GABRR2: variants seen among roughly 807,000 people sequenced by gnomAD.
GABRR2 encodes gamma-aminobutyric acid receptor subunit rho-2.
Under a neutral mutation model 47.0 loss-of-function variants are expected in GABRR2, and 36 were observed. The ratio of observed to expected loss-of-function variants is 0.77; its 90% CI spans 0.59 to 1.01. The LOEUF is 1.01. Among genes scored for constraint, GABRR2 ranks in the 50% least tolerant of loss-of-function variants. GABRR2 has a pLI of 0.00. For synonymous variants in GABRR2, 204 were observed against 227.5 expected (o/e 0.90, Z 0.93); for missense variants, 587 against 594.6 (o/e 0.99, Z 0.13).
At chr6:89,287,233 A>C (rs1774348567) in intron 2 of GABRR2, among the ~76,000 whole-genome samples, 1 of 152,238 alleles carries the variant, frequency 6.6e-6, no homozygotes, top group Non-Finnish European at 1.5e-5. Context: ...CCAAGGGGGC[A>C]CGAGGGTCTC....
At chr6:89,277,167 C>T (rs1258888082) in intron 2 of GABRR2, among the ~76,000 whole-genome samples, 1 of 152,106 alleles carries the variant, frequency 6.6e-6, no homozygotes, top group Non-Finnish European at 1.5e-5. Context: ...ATGCTGTTCT[C>T]GTGATAGTAA....
intron 1 of GABRR2, chr6:89,301,961 T>C: frequency 1.1e-6 from 1 of 872,190 alleles, no homozygotes; most frequent in Admixed American, 1.9e-5. Flanking sequence ...CATAAGTATG[T>C]GCCTCGGGCC....
At chr6:89,301,918 C>A (rs557071411) in intron 1 of GABRR2, 22 of 1,035,614 alleles carry the variant, frequency 2.1e-5, no homozygotes, top group Non-Finnish European at 1.8e-5. Flanking sequence ...GGAGCTGGAG[C>A]AGATCAGCAT....
rs1773616796 is a variant in GABRR2, at chr6:89,257,080, A to T, written c.*590T>A. ...CGTACCTGGCACAGAGTGGGACCTC[A>T]ATATTTAATGAATGGTTGAATGGAT... On this transcript the variant is annotated 3_prime_UTR_variant, in exon 9 of 9. Transcript: ENST00000402938. 6.5e-6 allele frequency: 1 copy of T among 152,932 alleles called. No homozygotes were observed. Among genetic ancestry groups the T allele is most frequent in the Non-Finnish European group, 1.5e-5 (1 of 68,600 alleles). 9.5% of individuals were successfully genotyped at this position (152,932 alleles called of 1,614,324 possible).
At chr6:89,284,469 C>A (rs1334353123) in intron 2 of GABRR2, among the ~76,000 whole-genome samples, 2 of 152,096 alleles carry the variant, frequency 1.3e-5, no homozygotes, top group African/African-American at 4.8e-5. Context: ...GGAGAGTAGC[C>A]TGAAGTACCC....
intron 2 of GABRR2, among the ~76,000 whole-genome samples, chr6:89,290,837 G>C (rs1055982424): frequency 3.3e-5 from 5 of 152,180 alleles, no homozygotes; most frequent in Admixed American, 3.3e-4. Flanking sequence ...CCATCGGGCG[G>C]CTTTTTCCAA....
chr6:89,311,136 G>A (rs1767674625), intron 1 of GABRR2, among the ~76,000 whole-genome samples: 1 of 152,200 alleles, frequency 6.6e-6, no homozygotes, highest in Non-Finnish European at 1.5e-5. Context: ...CAGTGACCGT[G>A]TGAGGTGCCA....
At chr6:89,289,586 T>A (rs748599501) in intron 2 of GABRR2, among the ~76,000 whole-genome samples, 8 of 152,100 alleles carry the variant, frequency 5.3e-5, no homozygotes, top group Non-Finnish European at 7.4e-5. Context: ...GTGGAGAACA[T>A]GGGTGTAAGG....
intron 1 of GABRR2, 42 bp from the exon 2 acceptor site, chr6:89,299,907 A>G: frequency 7.8e-7 from 1 of 1,276,624 alleles, no homozygotes; most frequent in African/African-American, 1.5e-5. Context: ...CGGCTCTTCA[A>G]TGCATTGAGT....
At position 89,254,919 on chromosome 6, in the gene GABRR2, A is replaced by G. The variant is rs1773571608; in HGVS notation, c.*2751T>C. Among the ~76,000 whole-genome samples the G allele has an allele frequency of 6.6e-6, 1 of 152,218 alleles. No individual in the cohort carries two copies. Among genetic ancestry groups the G allele is most frequent in the African/African-American group, 2.4e-5 (1 of 41,446 alleles). The stretch of plus-strand genomic sequence containing the variant: ...ATGATTCTAAATATGTCTGCTATAG[A>G]ATTAACTCCAGTTTAACATAGAAGC... On this transcript the variant is annotated 3_prime_UTR_variant, in exon 9 of 9. Transcript: ENST00000402938.
chr6:89,308,219 T>C (rs957365403), intron 1 of GABRR2, among the ~76,000 whole-genome samples: 3 of 152,222 alleles, frequency 2.0e-5, no homozygotes, highest in African/African-American at 7.2e-5. Flanking sequence ...CATCCTCTTA[T>C]GAAATCCTTA....
At chr6:89,259,267 G>A (rs919452834) in intron 8 of GABRR2, among the ~76,000 whole-genome samples, 16 of 152,092 alleles carry the variant, frequency 1.1e-4, no homozygotes, top group African/African-American at 3.9e-4. Context: ...GTGAAATAAT[G>A]AAGTTTCACA....
At chr6:89,312,813 T>C (rs1248530910) in intron 1 of GABRR2, among the ~76,000 whole-genome samples, 1 of 152,206 alleles carries the variant, frequency 6.6e-6, no homozygotes, top group East Asian at 1.9e-4. Context: ...CCAGCCTCAG[T>C]TTAATAAATA....
At chr6:89,262,368 T>C (rs74495256) in intron 8 of GABRR2, among the ~76,000 whole-genome samples, 5,986 of 152,252 alleles carry the variant, frequency 0.039, 379 homozygotes, top group African/African-American at 0.13. Flanking sequence ...TCATAAATCT[T>C]CCTATAGCCT....
intron 5 of GABRR2, 84 bp downstream of exon 5, chr6:89,267,930 G>A: frequency 6.4e-7 from 1 of 1,562,652 alleles, no homozygotes; most frequent in East Asian, 2.2e-5. Context: ...ACGCTGGCGG[G>A]CAGTGCTCAG....
chr6:89,288,214 C>T (rs1277755457), intron 2 of GABRR2, among the ~76,000 whole-genome samples: 1 of 150,116 alleles, frequency 6.7e-6, no homozygotes, highest in Non-Finnish European at 1.5e-5. Context: ...ATGGAGATCA[C>T]AGAGAAACCA....
rs1303942086 is a variant in GABRR2 at position 89,255,617 on chromosome 6, G to T, written c.*2053C>A. Among the ~76,000 whole-genome samples the T allele has an allele frequency of 6.6e-6, 1 of 152,136 alleles. No individual in the cohort carries two copies. The highest frequency in any genetic ancestry group is 1.5e-5 in the Non-Finnish European group (1 of 68,022). On this transcript the variant is annotated 3_prime_UTR_variant, in exon 9 of 9. Transcript: ENST00000402938. ...CACCGGCATGGTGGGGACCTGCCTT[G>T]ATCCCTAGTGTTGTGGAAAAAGCTA...
At chr6:89,291,412 C>T (rs972700699) in intron 2 of GABRR2, among the ~76,000 whole-genome samples, 18 of 152,128 alleles carry the variant, frequency 1.2e-4, no homozygotes, top group African/African-American at 3.9e-4. Flanking sequence ...CCTCCCAGAG[C>T]GGCGCTGCCC....
chr6:89,268,663 G>GGT lies in GABRR2; in HGVS notation c.512+347_512+348insAC, dbSNP rs1773969650. On this transcript the variant is annotated intron_variant, in intron 4 of 8. Transcript: ENST00000402938. ...AGCTATTTTTTTGGGGGACGGGGGG[G>GGT]GGCTTTTTTTTTAATCTATTTTTTT... Among the ~76,000 whole-genome samples, 3 of 151,396 alleles carry GGT rather than the reference G, an allele frequency of 2.0e-5. No individual in the cohort carries two copies. In the South Asian group the frequency reaches 6.3e-4, roughly 32 times the overall value.
Sources: gnomAD v4.1 joint callset for allele counts (sites outside exome capture counted in the v4.1 genomes callset) on GRCh38, gnomAD v4.1.1 for gene constraint, MANE v1.5 for transcripts, NCBI Gene and HGNC (gene_info 2026-07-23, HGNC 2026-07-21) for gene names.